The following FOXN3 variants were observed in gnomAD, a reference collection of about 807,000 sequenced individuals.
The protein encoded by FOXN3 is forkhead box N3, also known as forkhead box protein N3.
In FOXN3, 7 loss-of-function variants were observed where a neutral mutation model predicts 38.4. That is an observed-to-expected ratio of 0.18 (90% CI 0.10 to 0.34). The LOEUF is 0.34. Ranked by LOEUF, FOXN3 falls within the 10% of genes least tolerant of loss-of-function variation. FOXN3 has a pLI of 1.00. For synonymous variants in FOXN3, 230 were observed against 242.2 expected (o/e 0.95, Z 0.47); for missense variants, 456 against 613.4 (o/e 0.74, Z 2.71).
chr14:89,192,716 C>G (rs1328430924), intron 4 of FOXN3, among the ~76,000 whole-genome samples: 1 of 142,768 alleles, frequency 7.0e-6, no homozygotes, highest in Non-Finnish European at 1.5e-5. Context: ...ATAGTTTATA[C>G]TATTATATAA....
intron 2 of FOXN3, among the ~76,000 whole-genome samples, chr14:89,389,649 A>C (rs901228489): frequency 5.9e-5 from 9 of 152,228 alleles, no homozygotes; most frequent in African/African-American, 1.9e-4. Flanking sequence ...AAACTGGTGA[A>C]ATTGATCTGC....
In FOXN3 at chr14:89,412,904, G is replaced by C. The variant is rs1033228504; in HGVS notation, c.-14-414C>G. On this transcript the variant is annotated intron_variant, in intron 1 of 5. Transcript: ENST00000557258. This position sits in a 1 kb window ranked among gnomAD's most constrained non-coding sequence, Gnocchi z 4.7. ...AACAGAAGAAAAGCAAGTAACTTCA[G>C]GTACCACACAGAATACATGGGAATG... is the stretch of plus-strand genomic sequence containing the variant. Among the ~76,000 whole-genome samples, 1 of 152,068 alleles carries C rather than the reference G, an allele frequency of 6.6e-6. No individual in the cohort carries two copies. Among genetic ancestry groups the C allele is most frequent in the Non-Finnish European group, 1.5e-5 (1 of 68,028 alleles).
chr14:89,227,005 C>T (rs772047790), intron 4 of FOXN3, among the ~76,000 whole-genome samples: 53 of 152,300 alleles, frequency 3.5e-4, no homozygotes, highest in Admixed American at 2.2e-3. Flanking sequence ...GAAGCCGCTC[C>T]GTGCTGGGTA....
At chr14:89,426,882 A>C (rs942295099) in intron 1 of FOXN3, among the ~76,000 whole-genome samples, 8 of 152,150 alleles carry the variant, frequency 5.3e-5, no homozygotes, top group Non-Finnish European at 1.0e-4. Context: ...TCAGGGGCCT[A>C]GGACATGAAG....
Position 89,163,225 on chromosome 14 carries a change from C to T in FOXN3, c.852-256G>A, listed in dbSNP as rs1887152566. On this transcript the variant is annotated intron_variant, in intron 5 of 5. Transcript: ENST00000557258. This position sits in a 1 kb window ranked among gnomAD's most constrained non-coding sequence, Gnocchi z 4.3. ...CATTTGTGTGGCTGAGACGTCAAAA[C>T]AACAATCTTCTGAAGCGACAGTGGT... 6.6e-6 allele frequency among the ~76,000 whole-genome samples: 1 copy of T among 152,174 alleles called. No homozygotes were observed. The highest frequency in any genetic ancestry group is 6.5e-5 in the Admixed American group (1 of 15,284).
intron 3 of FOXN3, among the ~76,000 whole-genome samples, chr14:89,306,975 C>G (rs1478051795): frequency 6.6e-6 from 1 of 152,164 alleles, no homozygotes; most frequent in Non-Finnish European, 1.5e-5. Flanking sequence ...CTACATGACC[C>G]TTCATAGAAA....
At chr14:89,319,368 C>T (rs554072267) in intron 3 of FOXN3, among the ~76,000 whole-genome samples, 94 of 152,192 alleles carry the variant, frequency 6.2e-4, no homozygotes, top group African/African-American at 2.2e-3. Flanking sequence ...ATGCAAGCCC[C>T]CACCCAGGAA....
intron 1 of FOXN3, among the ~76,000 whole-genome samples, chr14:89,423,246 T>G (rs1191000633): frequency 2.0e-5 from 3 of 152,222 alleles, no homozygotes; most frequent in Non-Finnish European, 4.4e-5. Flanking sequence ...AGGTTCGTAC[T>G]CTGATCTTAC....
intron 4 of FOXN3, among the ~76,000 whole-genome samples, chr14:89,216,038 A>T (rs531274998): frequency 6.6e-6 from 1 of 152,350 alleles, no homozygotes; most frequent in South Asian, 2.1e-4. Flanking sequence ...AGAAGTGACC[A>T]TTTGTGCCCA....
intron 3 of FOXN3, among the ~76,000 whole-genome samples, chr14:89,316,633 T>C (rs947509393): frequency 1.3e-5 from 2 of 151,720 alleles, no homozygotes; most frequent in African/African-American, 4.9e-5. Flanking sequence ...AGTGCTGGGA[T>C]TACAGGCATG....
intron 1 of FOXN3, among the ~76,000 whole-genome samples, chr14:89,442,221 C>T (rs763886169): frequency 3.2e-4 from 48 of 152,090 alleles, no homozygotes; most frequent in Admixed American, 1.0e-3. Flanking sequence ...CCACCGCGCC[C>T]GGGTGAAACT....
intron 1 of FOXN3, among the ~76,000 whole-genome samples, chr14:89,448,554 C>A (rs1892555530): frequency 6.6e-6 from 1 of 152,194 alleles, no homozygotes; most frequent in African/African-American, 2.4e-5. Context: ...TCCCACAGGG[C>A]TGAGAGTTGA....
At chr14:89,401,505 G>A in intron 2 of FOXN3, 2 of 446,426 alleles carry the variant, frequency 4.5e-6, no homozygotes, top group Non-Finnish European at 9.0e-6. Flanking sequence ...AACTTTACAA[G>A]CCTCAAAGGA....
intron 1 of FOXN3, among the ~76,000 whole-genome samples, chr14:89,483,251 A>G (rs905031423): frequency 6.6e-6 from 1 of 152,086 alleles, no homozygotes; most frequent in East Asian, 1.9e-4. Context: ...TCTCCTTCAC[A>G]TGTTGCAGCA....
chr14:89,281,650 T>C (rs764923319), intron 3 of FOXN3, among the ~76,000 whole-genome samples: 37 of 152,158 alleles, frequency 2.4e-4, no homozygotes, highest in Admixed American at 1.4e-3. Context: ...GAGAGATCAA[T>C]ATATCACAAA....
intron 1 of FOXN3, among the ~76,000 whole-genome samples, chr14:89,564,102 G>A (rs903827427): frequency 2.6e-5 from 4 of 152,002 alleles, no homozygotes; most frequent in South Asian, 2.1e-4. Flanking sequence ...TAATCCACCC[G>A]CCTCGGCCTC....
intron 4 of FOXN3, among the ~76,000 whole-genome samples, chr14:89,224,399 C>A (rs1226371925): frequency 4.6e-5 from 7 of 152,090 alleles, no homozygotes; most frequent in Non-Finnish European, 1.0e-4. Flanking sequence ...CTGTCAAAAG[C>A]CTAAGGAGAG....
intron 1 of FOXN3, among the ~76,000 whole-genome samples, chr14:89,573,490 CA>C (rs1178447572): frequency 6.6e-6 from 1 of 152,256 alleles, no homozygotes; most frequent in Non-Finnish European, 1.5e-5. Flanking sequence ...TACTATATTA[CA>C]AATATATTGC....
intron 1 of FOXN3, among the ~76,000 whole-genome samples, chr14:89,424,846 C>T (rs1349115802): frequency 6.6e-6 from 1 of 152,030 alleles, no homozygotes; most frequent in Admixed American, 6.6e-5. Context: ...GATCATGCCA[C>T]TAAATGTGGT....
Sources: allele counts gnomAD v4.1 joint callset (sites outside exome capture counted in the v4.1 genomes callset), GRCh38; gene constraint gnomAD v4.1.1; non-coding constraint Gnocchi (gnomAD v3.1); transcripts MANE v1.5; gene names NCBI Gene and HGNC (gene_info 2026-07-23, HGNC 2026-07-21).